The following ST8SIA1 variants were observed in gnomAD, a reference collection of about 807,000 sequenced individuals.
ST8SIA1 encodes alpha-N-acetylneuraminide alpha-2,8-sialyltransferase.
A neutral mutation model predicts 35.9 loss-of-function variants in ST8SIA1; 16 were observed. That is an observed-to-expected ratio of 0.45 (90% confidence interval 0.30 to 0.68). ST8SIA1 has a LOEUF of 0.68. Ranked by LOEUF, ST8SIA1 falls within the 30% of genes least tolerant of loss-of-function variation. The pLI is 0.09. For missense variants in ST8SIA1, 383 were observed against 453.6 expected (o/e 0.84, Z 1.41); for synonymous variants, 170 against 169.6 (o/e 1.00, Z -0.02).
chr12:22,215,760 C>T (rs1865227712), intron 4 of ST8SIA1, among the ~76,000 whole-genome samples: 1 of 152,176 alleles, frequency 6.6e-6, no homozygotes, highest in Admixed American at 6.5e-5. Context: ...CAGTTGGTCA[C>T]TAAGTTCCAT....
chr12:22,210,031 A>C (rs1591824424), intron 4 of ST8SIA1, among the ~76,000 whole-genome samples: 1 of 152,298 alleles, frequency 6.6e-6, no homozygotes. Context: ...AACCACCTAA[A>C]TGCCATCACT....
chr12:22,206,285 A>G (rs750662649), intron 4 of ST8SIA1, among the ~76,000 whole-genome samples: 4 of 152,198 alleles, frequency 2.6e-5, no homozygotes, highest in Admixed American at 6.5e-5. Context: ...AAACCAGAGC[A>G]TGAAGGAACT....
intron 1 of ST8SIA1, among the ~76,000 whole-genome samples, chr12:22,298,018 C>T (rs959007306): frequency 2.3e-4 from 35 of 152,096 alleles, no homozygotes; most frequent in African/African-American, 8.2e-4. Flanking sequence ...ATCATGCCTA[C>T]ATAATGGAGC....
chr12:22,263,702 T>A (rs1297084403), intron 2 of ST8SIA1, among the ~76,000 whole-genome samples: 2 of 152,176 alleles, frequency 1.3e-5, no homozygotes, highest in Admixed American at 6.6e-5. Flanking sequence ...CTTTTCTCTT[T>A]GACAGGAAGG....
chr12:22,251,127 A>G (rs1865664074), intron 3 of ST8SIA1, among the ~76,000 whole-genome samples: 1 of 152,224 alleles, frequency 6.6e-6, no homozygotes, highest in Non-Finnish European at 1.5e-5. Context: ...GATAAAACAC[A>G]GACTAAAATT....
chr12:22,272,644 T>C (rs1316244514), intron 2 of ST8SIA1, among the ~76,000 whole-genome samples: 1 of 152,242 alleles, frequency 6.6e-6, no homozygotes. Flanking sequence ...ATAATAGCTG[T>C]GGTTTTAAAA....
intron 1 of ST8SIA1, among the ~76,000 whole-genome samples, chr12:22,327,983 CAG>C (rs1191232726): frequency 6.6e-6 from 1 of 152,230 alleles, no homozygotes; most frequent in African/African-American, 2.4e-5. Flanking sequence ...GGTTCTCAGT[CAG>C]GGGCAATTTT....
chr12:22,264,719 C>T lies in ST8SIA1; in HGVS notation c.382-9330G>A, dbSNP rs190673371. Reference sequence around the variant, plus strand: ...TTTTCCCTTAAGATATATATTTGTACATGTTAATTATAGAATATTTGTAGT... The same window carrying T: ...TTTTCCCTTAAGATATATATTTGTATATGTTAATTATAGAATATTTGTAGT... On this transcript the variant is annotated intron_variant, in intron 2 of 4. Coordinates refer to ENST00000396037, the MANE Select transcript of ST8SIA1 (RefSeq NM_003034.4). Among the ~76,000 whole-genome samples, 65 of 152,154 alleles carry T rather than the reference C, an allele frequency of 4.3e-4. No homozygotes were observed. In the Middle Eastern group the frequency reaches 0.014, roughly 32 times the overall value.
At chr12:22,308,130 G>A (rs1866407051) in intron 1 of ST8SIA1, among the ~76,000 whole-genome samples, 1 of 152,002 alleles carries the variant, frequency 6.6e-6, no homozygotes, top group South Asian at 2.1e-4. Flanking sequence ...TTAAAGAAAT[G>A]GAAATAAAAT....
chr12:22,244,168 G>C (rs1026548864), intron 4 of ST8SIA1, among the ~76,000 whole-genome samples: 6 of 152,060 alleles, frequency 3.9e-5, no homozygotes, highest in African/African-American at 1.4e-4. Flanking sequence ...TTAACTATAA[G>C]TTGTATAGTC....
At chr12:22,223,527 C>T in intron 4 of ST8SIA1, 1 of 1,019,686 alleles carries the variant, frequency 9.8e-7, no homozygotes, top group Non-Finnish European at 1.2e-6. Context: ...TGTGTGAGTC[C>T]TGACTTCTGA....
At chr12:22,328,475 G>A (rs1027779084) in intron 1 of ST8SIA1, among the ~76,000 whole-genome samples, 13 of 152,136 alleles carry the variant, frequency 8.5e-5, no homozygotes, top group South Asian at 8.4e-4. Context: ...TGCACCTGTC[G>A]CTACCAGTTA....
At chr12:22,319,461 G>A (rs1866557059) in intron 1 of ST8SIA1, among the ~76,000 whole-genome samples, 1 of 152,164 alleles carries the variant, frequency 6.6e-6, no homozygotes, top group Non-Finnish European at 1.5e-5. Context: ...GATACACGAG[G>A]AGCAATCTTC....
At chr12:22,223,858 G>A (rs993967014) in intron 4 of ST8SIA1, 1 of 1,092,826 alleles carries the variant, frequency 9.2e-7, no homozygotes, top group Admixed American at 5.2e-5. Flanking sequence ...GTTTCTAATT[G>A]TGCAAAATAA....
chr12:22,244,454 AT>A (rs1016370708), intron 4 of ST8SIA1, among the ~76,000 whole-genome samples: 1 of 151,958 alleles, frequency 6.6e-6, no homozygotes, highest in African/African-American at 2.4e-5. Flanking sequence ...AGTTGGTTTT[AT>A]TTTTTATTTT....
chr12:22,228,304 C>A (rs1865380564), intron 4 of ST8SIA1, among the ~76,000 whole-genome samples: 1 of 152,250 alleles, frequency 6.6e-6, no homozygotes, highest in African/African-American at 2.4e-5. Context: ...TCTGGTTCAG[C>A]AGGCTTAGTT....
chr12:22,314,329 G>A lies in ST8SIA1; in HGVS notation c.236+19668C>T, dbSNP rs114468406. The stretch of plus-strand genomic sequence containing the variant: ...AACCCAGAGAGAAGAAAGCCAGCCA[G>A]TATGCCTCCTAACACAGTGTTTAAC... On this transcript the variant is annotated intron_variant, in intron 1 of 4. Transcript: ENST00000396037. 9.9e-3 allele frequency among the ~76,000 whole-genome samples: 1,511 copies of A among 152,262 alleles called. 26 individuals are homozygous for A. Among genetic ancestry groups the A allele is most frequent in the African/African-American group, 0.034 (1,424 of 41,550 alleles).
At chr12:22,244,569 G>C (rs1370356618) in intron 4 of ST8SIA1, among the ~76,000 whole-genome samples, 1 of 152,066 alleles carries the variant, frequency 6.6e-6, no homozygotes, top group Non-Finnish European at 1.5e-5. Context: ...CAATTCTCCT[G>C]CCTCAGCCTC....
intron 4 of ST8SIA1, among the ~76,000 whole-genome samples, chr12:22,220,955 A>C (rs533711378): frequency 6.6e-6 from 1 of 152,286 alleles, no homozygotes; most frequent in African/African-American, 2.4e-5. Context: ...TTGCTCCATC[A>C]GTACTTTTAG....
Sources: gnomAD v4.1 joint callset for allele counts (sites outside exome capture counted in the v4.1 genomes callset) on GRCh38, gnomAD v4.1.1 for gene constraint, MANE v1.5 for transcripts, NCBI Gene and HGNC (gene_info 2026-07-23, HGNC 2026-07-21) for gene names.